VPS13B: variants seen among roughly 807,000 people sequenced by gnomAD.
VPS13B encodes the protein intermembrane lipid transfer protein VPS13B.
Under a neutral mutation model 426.4 loss-of-function variants are expected in VPS13B, and 285 were observed. The observed-to-expected ratio is 0.67, with a 90% CI of 0.61 to 0.74. The LOEUF is 0.74. VPS13B is among the 30% of genes least tolerant of loss of function. The pLI, the probability that VPS13B is intolerant of heterozygous loss-of-function variation, is 0.00. For missense variants in VPS13B, 4,537 were observed against 4,782.6 expected (o/e 0.95, Z 1.51); for synonymous variants, 1,676 against 1,676.4 (o/e 1.00, Z 0.01).
At chr8:99,027,349 C>A (rs1407087765) in intron 2 of VPS13B, among the ~76,000 whole-genome samples, 1 of 149,846 alleles carries the variant, frequency 6.7e-6, no homozygotes, top group Admixed American at 6.6e-5. Context: ...TCCATTCTTC[C>A]TTCCTTACTT....
chr8:99,734,773 G>C (rs2130430215), intron 39 of VPS13B, among the ~76,000 whole-genome samples: 1 of 152,300 alleles, frequency 6.6e-6, no homozygotes, highest in South Asian at 2.1e-4. Context: ...ATGACAGTTG[G>C]AATGGGAAGG....
At chr8:99,075,670 C>T (rs1045109244) in intron 3 of VPS13B, among the ~76,000 whole-genome samples, 2 of 152,078 alleles carry the variant, frequency 1.3e-5, no homozygotes, top group Non-Finnish European at 2.9e-5. Flanking sequence ...TGTTAGTATA[C>T]GGTTGTTTAT....
chr8:99,699,880 T>C lies in VPS13B; in HGVS notation c.6402T>C (p.Ser2134=). 1 of 1,613,808 alleles carries C rather than the reference T, an allele frequency of 6.2e-7. No individual in the cohort carries two copies. The highest frequency in any genetic ancestry group is 8.5e-7 in the Non-Finnish European group (1 of 1,179,958). The stretch of plus-strand genomic sequence containing the variant: ...CCAGCAAACCATGCCTGTTAGCATC[T>C]CTCTCAAACCTCAATGGAAGCCTTA... The part of the protein sequence containing the change: ...PHTSKPCLLA[S]LSNLNGSLSV... Residue 2134 remains serine (S), a synonymous_variant, in exon 36 of 62, where the codon TCT becomes TCC. Coordinates refer to ENST00000357162, the MANE Select transcript of VPS13B (RefSeq NM_152564.5).
chr8:99,294,396 G>A (rs1420656628), intron 19 of VPS13B, among the ~76,000 whole-genome samples: 1 of 120,538 alleles, frequency 8.3e-6, no homozygotes, highest in African/African-American at 3.1e-5. Context: ...GTGGTGGGGT[G>A]GGGGGAGGGG....
chr8:99,600,346 TACAC>T (rs1305846948), intron 33 of VPS13B, among the ~76,000 whole-genome samples: 3 of 152,168 alleles, frequency 2.0e-5, no homozygotes, highest in Admixed American at 6.5e-5. Flanking sequence ...CTCTCTCACA[TACAC>T]ACCCCACTTG....
Position 99,835,319 on chromosome 8 carries a change from T to A in VPS13B, c.9737T>A (p.Ile3246Asn). Reference sequence around the variant, plus strand: ...GTAAAAATGCTTATAAAGGAAAACATTAAAGGTATGTTTTATACTATCGAA... The same window carrying A: ...GTAAAAATGCTTATAAAGGAAAACAATAAAGGTATGTTTTATACTATCGAA... The part of the protein sequence containing the change: ...CPVKMLIKEN[I>N]KDIPKFEVYC... The change falls in exon 53 of 62, where the codon ATT (isoleucine) becomes AAT (asparagine). Residue 3246 changes from isoleucine (I) to asparagine (N), a missense_variant. Coordinates refer to ENST00000357162, the MANE Select transcript of VPS13B (RefSeq NM_152564.5). The A allele has an allele frequency of 6.2e-7, 1 of 1,610,950 alleles. No homozygotes were observed. The highest frequency in any genetic ancestry group is 8.5e-7 in the Non-Finnish European group (1 of 1,177,180).
At chr8:99,270,065 A>G (rs1390216173) in intron 17 of VPS13B, among the ~76,000 whole-genome samples, 3 of 148,712 alleles carry the variant, frequency 2.0e-5, no homozygotes, top group South Asian at 4.2e-4. Context: ...AAAAGTGTCA[A>G]ACTGTATTCT....
intron 3 of VPS13B, among the ~76,000 whole-genome samples, chr8:99,048,689 C>G (rs1385665025): frequency 6.6e-6 from 1 of 151,994 alleles, no homozygotes; most frequent in Non-Finnish European, 1.5e-5. Flanking sequence ...GTAGCGAGCG[C>G]CTGTAATCCC....
chr8:99,745,071 C>A (rs1810013407), intron 39 of VPS13B, among the ~76,000 whole-genome samples: 2 of 151,448 alleles, frequency 1.3e-5, no homozygotes, highest in Admixed American at 1.3e-4. Context: ...TTTGTTTTAG[C>A]TTTTAGGCTG....
chr8:99,206,657 A>T (rs1831736096), intron 17 of VPS13B, among the ~76,000 whole-genome samples: 1 of 152,180 alleles, frequency 6.6e-6, no homozygotes. Context: ...AAATGTACAT[A>T]CTGTAACATT....
At position 99,481,060 on chromosome 8, in the gene VPS13B, T is replaced by C. The variant is rs138277234; in HGVS notation, c.3667-539T>C. ...ATTGGAATGACATCTCCTTTGGGAA[T>C]AGTAGGTTGGATATGTTCTTTATCT... On this transcript the variant is annotated intron_variant, in intron 24 of 61. Transcript: ENST00000357162. 3.3e-5 allele frequency among the ~76,000 whole-genome samples: 5 copies of C among 152,328 alleles called. No homozygotes were observed. In the East Asian group the frequency reaches 9.6e-4, roughly 29 times the overall value.
At chr8:99,227,535 T>A (rs1372318143) in intron 17 of VPS13B, among the ~76,000 whole-genome samples, 1 of 152,156 alleles carries the variant, frequency 6.6e-6, no homozygotes, top group Non-Finnish European at 1.5e-5. Context: ...TTTAGGAAGG[T>A]TGTTTTAATT....
At chr8:99,489,382 G>T (rs1450685808) in intron 25 of VPS13B, among the ~76,000 whole-genome samples, 1 of 151,658 alleles carries the variant, frequency 6.6e-6, no homozygotes, top group Non-Finnish European at 1.5e-5. Flanking sequence ...TCTTGGCAAT[G>T]CGGGCTCTTT....
At chr8:99,066,988 A>C (rs1488875554) in intron 3 of VPS13B, among the ~76,000 whole-genome samples, 1 of 152,206 alleles carries the variant, frequency 6.6e-6, no homozygotes, top group Admixed American at 6.5e-5. Flanking sequence ...GAAAGTCAGG[A>C]AACAACAGAT....
chr8:99,821,701 A>C (rs1312920399), intron 50 of VPS13B, among the ~76,000 whole-genome samples: 2 of 152,100 alleles, frequency 1.3e-5, no homozygotes, highest in Admixed American at 6.6e-5. Context: ...TTATCCAATA[A>C]TTGTTCTATT....
At position 99,392,872 on chromosome 8, in the gene VPS13B, C is replaced by T. The variant is rs571634180; in HGVS notation, c.3082+1168C>T. On this transcript the variant is annotated intron_variant, in intron 21 of 61. Transcript: ENST00000357162. ...GAGATTTTATCAATTGACAAAAATG[C>T]CTGTGCCTCATTTTGTATCACAAAA... 4.6e-5 allele frequency among the ~76,000 whole-genome samples: 7 copies of T among 151,992 alleles called. No homozygotes were observed. In the South Asian group the frequency reaches 1.5e-3, roughly 32 times the overall value.
chr8:99,111,051 C>T, intron 5 of VPS13B, 47 bp from the exon 6 acceptor site: 6 of 1,487,432 alleles, frequency 4.0e-6, no homozygotes, highest in South Asian at 2.5e-5. Flanking sequence ...GTTGCCTTTC[C>T]CCTGCTAATT....
intron 42 of VPS13B, among the ~76,000 whole-genome samples, chr8:99,782,823 A>T (rs1812083040): frequency 6.6e-6 from 1 of 152,132 alleles, no homozygotes; most frequent in Non-Finnish European, 1.5e-5. Context: ...ATTGCTACCA[A>T]TTAAAATCCA....
At chr8:99,391,772 C>G (rs1814461708) in intron 21 of VPS13B, 68 bp downstream of exon 21, 6 of 1,564,296 alleles carry the variant, frequency 3.8e-6, no homozygotes, top group Non-Finnish European at 4.4e-6. Context: ...TTAGCATCCA[C>G]AATTTCATGG....
Sources: gnomAD v4.1 joint callset for allele counts (sites outside exome capture counted in the v4.1 genomes callset) on GRCh38, gnomAD v4.1.1 for gene constraint, MANE v1.5 for transcripts, NCBI Gene and HGNC (gene_info 2026-07-23, HGNC 2026-07-21) for gene names.